Variants in ABHD6 observed in about 807,000 individuals in gnomAD.
ABHD6 encodes abhydrolase domain containing 6, acylglycerol lipase, also known as monoacylglycerol lipase ABHD6.
A neutral mutation model predicts 38.8 loss-of-function variants in ABHD6; 33 were observed. The ratio of observed to expected loss-of-function variants is 0.85; its 90% CI spans 0.64 to 1.14. The LOEUF is 1.14. ABHD6 is among the 50% of genes most tolerant of loss of function. The probability of loss-of-function intolerance (pLI) is 0.00; values close to 1 mark genes in which losing one functional copy is unlikely to be tolerated. For synonymous variants in ABHD6, 147 were observed against 161.6 expected (o/e 0.91, Z 0.69); for missense variants, 380 against 422.6 (o/e 0.90, Z 0.88).
At chr3:58,252,649 C>T (rs914403877) in intron 2 of ABHD6, among the ~76,000 whole-genome samples, 7 of 152,210 alleles carry the variant, frequency 4.6e-5, no homozygotes, top group African/African-American at 1.7e-4. Context: ...TAGTACTCTC[C>T]TGCTCACTAA....
chr3:58,267,391 G>T lies in ABHD6; in HGVS notation c.276+46G>T. ...CTCTTATAAGAAAAGGGAGTTGGGT[G>T]CTGTGGCTCATGCCTATAATCCCAG... On this transcript the variant is annotated intron_variant, in intron 4 of 9. Transcript: ENST00000478253. This position sits in a 1 kb window ranked among gnomAD's most constrained non-coding sequence, Gnocchi z 4.3. The T allele has an allele frequency of 6.2e-7, 1 of 1,607,870 alleles. No homozygotes were observed. The highest frequency in any genetic ancestry group is 1.1e-5 in the South Asian group (1 of 90,534).
In ABHD6 at chr3:58,256,897, G is replaced by C. The variant is rs1248525530; in HGVS notation, c.119+192G>C. On this transcript the variant is annotated intron_variant, in intron 3 of 9. Transcript: ENST00000478253. This position sits in a 1 kb window ranked among gnomAD's most constrained non-coding sequence, Gnocchi z 4.3. ...GAATATTACCAGATCAGTTCTTTCA[G>C]GTTTGTTTGTTTGTTTGTTTTTTGG... Among the ~76,000 whole-genome samples, 2 of 151,914 alleles carry C rather than the reference G, an allele frequency of 1.3e-5. No individual in the cohort carries two copies. The highest frequency in any genetic ancestry group is 4.2e-4 in the South Asian group (2 of 4,816).
intron 1 of ABHD6, among the ~76,000 whole-genome samples, chr3:58,244,530 C>A (rs1322822948): frequency 1.3e-5 from 2 of 152,058 alleles, no homozygotes; most frequent in Non-Finnish European, 2.9e-5. Context: ...TTTGGGAGGG[C>A]AAAGCAGGAG....
intron 2 of ABHD6, among the ~76,000 whole-genome samples, chr3:58,252,936 A>G (rs1308666396): frequency 1.3e-5 from 2 of 152,216 alleles, no homozygotes; most frequent in African/African-American, 4.8e-5. Flanking sequence ...CTTTATCTGT[A>G]CAGAAAACTC....
At chr3:58,252,027 A>G (rs2097430224) in intron 2 of ABHD6, among the ~76,000 whole-genome samples, 1 of 152,126 alleles carries the variant, frequency 6.6e-6, no homozygotes, top group South Asian at 2.1e-4. Flanking sequence ...TTCTCATTAA[A>G]TAGATGAAGA....
chr3:58,263,028 T>G lies in ABHD6; in HGVS notation c.120-4161T>G, dbSNP rs1575521017. On this transcript the variant is annotated intron_variant, in intron 3 of 9. Coordinates refer to ENST00000478253, the MANE Select transcript of ABHD6 (RefSeq NM_001320126.2). This position sits in a 1 kb window ranked among gnomAD's most constrained non-coding sequence, Gnocchi z 4.9. ...TTTGAGACCAGCCTGGCCAACATGG[T>G]GAAACCCCATCTCTACTACAAATAC... Among the ~76,000 whole-genome samples the G allele has an allele frequency of 3.9e-5, 6 of 152,144 alleles. No individual in the cohort carries two copies. In the South Asian group the frequency reaches 1.2e-3, roughly 31 times the overall value.
intron 3 of ABHD6, among the ~76,000 whole-genome samples, chr3:58,260,929 G>A (rs1341315448): frequency 6.6e-6 from 1 of 152,186 alleles, no homozygotes; most frequent in Non-Finnish European, 1.5e-5. Context: ...CTGGGTCTAA[G>A]TGTCCCTGGA....
At chr3:58,286,844 G>GCATATATATATA (rs1424175632) in intron 9 of ABHD6, among the ~76,000 whole-genome samples, 7 of 50,064 alleles carry the variant, frequency 1.4e-4, no homozygotes, top group Admixed American at 1.9e-4. Flanking sequence ...GTGTGTGTGT[G>GCATATATATATA]TGTGTGTGTA....
chr3:58,279,212 C>G (rs1181201024), intron 7 of ABHD6, among the ~76,000 whole-genome samples: 1 of 152,102 alleles, frequency 6.6e-6, no homozygotes, highest in Admixed American at 6.6e-5. Flanking sequence ...GTTAAAGTCT[C>G]CCATTATTAT....
In ABHD6 at chr3:58,269,487, A is replaced by C. The variant is rs2097443288; in HGVS notation, c.390+53A>C. Reference sequence around the variant, plus strand: ...CCCAGACTGTCTCAGCCACCATTACATGTCTGAGTCTGGAGAGCAGGGAAG... The same window carrying C: ...CCCAGACTGTCTCAGCCACCATTACCTGTCTGAGTCTGGAGAGCAGGGAAG... On this transcript the variant is annotated intron_variant, in intron 5 of 9. Coordinates refer to ENST00000478253, the MANE Select transcript of ABHD6 (RefSeq NM_001320126.2). The surrounding 1 kb of genome is among the most constrained non-coding windows in gnomAD (Gnocchi z 4.4). 7.2e-7 allele frequency: 1 copy of C among 1,382,296 alleles called. No homozygotes were observed. The highest frequency in any genetic ancestry group is 2.3e-5 in the East Asian group (1 of 43,110). 85.6% of individuals were successfully genotyped at this position (1,382,296 alleles called of 1,614,324 possible). A position where few individuals can be genotyped will look rare whatever the true frequency, so the allele number is the denominator to read the frequency against.
intron 2 of ABHD6, among the ~76,000 whole-genome samples, chr3:58,254,530 A>C (rs2097431957): frequency 6.6e-6 from 1 of 152,194 alleles, no homozygotes; most frequent in South Asian, 2.1e-4. Context: ...TGCTGCATTG[A>C]ACTTATTATC....
chr3:58,290,778 A>G (rs1393798766), intron 9 of ABHD6, among the ~76,000 whole-genome samples: 1 of 146,560 alleles, frequency 6.8e-6, no homozygotes, highest in African/African-American at 2.5e-5. Context: ...ATCTCAGACA[A>G]TGGGCGGCCG....
At position 58,263,623 on chromosome 3, in the gene ABHD6, T is replaced by A. The variant is rs1488967197; in HGVS notation, c.120-3566T>A. 6.6e-6 allele frequency among the ~76,000 whole-genome samples: 1 copy of A among 152,226 alleles called. No individual in the cohort carries two copies. The highest frequency in any genetic ancestry group is 1.5e-5 in the Non-Finnish European group (1 of 68,042). ...CTTGGCTCTCCCCGAGGCCCTTGCC[T>A]CTGCTGTCTCTACCTCCTGGCACAC... On this transcript the variant is annotated intron_variant, in intron 3 of 9. Transcript: ENST00000478253. The surrounding 1 kb of genome is among the most constrained non-coding windows in gnomAD (Gnocchi z 4.9).
Position 58,238,331 on chromosome 3 carries a change from C to G in ABHD6, c.-91+415C>G, listed in dbSNP as rs1338169133. The G allele has an allele frequency of 1.3e-5, 2 of 152,512 alleles. No homozygotes were observed. The highest frequency in any genetic ancestry group is 4.8e-5 in the African/African-American group (2 of 41,472). 9.4% of individuals were successfully genotyped at this position (152,512 alleles called of 1,614,324 possible). On this transcript the variant is annotated intron_variant, in intron 1 of 9. Coordinates refer to ENST00000478253, the MANE Select transcript of ABHD6 (RefSeq NM_001320126.2). This position sits in a 1 kb window ranked among gnomAD's most constrained non-coding sequence, Gnocchi z 6.9. The stretch of plus-strand genomic sequence containing the variant: ...TGGAGAAGGACTGCAGCTCGCCCAC[C>G]CAGATAGCATCTTGCTCCGTGTCAC...
chr3:58,258,409 C>T (rs768190897), intron 3 of ABHD6: 261 of 432,164 alleles, frequency 6.0e-4, no homozygotes, highest in Middle Eastern at 2.4e-3. Flanking sequence ...AAAGCATGAG[C>T]AGCGTGAAAG....
At chr3:58,286,893 T>A (rs2097457865) in intron 9 of ABHD6, among the ~76,000 whole-genome samples, 1 of 142,268 alleles carries the variant, frequency 7.0e-6, no homozygotes. Flanking sequence ...TAAGTAGGTA[T>A]CTTGGAAATC....
In ABHD6 at chr3:58,265,287, C is replaced by G. The variant is rs1372561756; in HGVS notation, c.120-1902C>G. Among the ~76,000 whole-genome samples the G allele has an allele frequency of 2.0e-5, 3 of 152,114 alleles. No homozygotes were observed. The highest frequency in any genetic ancestry group is 7.2e-5 in the African/African-American group (3 of 41,420). ...TGTTTGTTAGTCATTAATATCTTTTCTACTCTAAGGTACCTTTTCATTTAT... is the reference window on the plus strand; with the variant it reads ...TGTTTGTTAGTCATTAATATCTTTTGTACTCTAAGGTACCTTTTCATTTAT... On this transcript the variant is annotated intron_variant, in intron 3 of 9. Transcript: ENST00000478253. This position sits in a 1 kb window ranked among gnomAD's most constrained non-coding sequence, Gnocchi z 4.2.
At chr3:58,274,537 C>A in intron 6 of ABHD6, 121 bp from the exon 7 acceptor site, 3 of 1,041,768 alleles carry the variant, frequency 2.9e-6, no homozygotes, top group Non-Finnish European at 4.1e-6. Context: ...AAAAAGAAAT[C>A]TACTCATGAA....
intron 3 of ABHD6, among the ~76,000 whole-genome samples, chr3:58,261,308 A>G (rs1559775269): frequency 6.6e-6 from 1 of 152,182 alleles, no homozygotes; most frequent in African/African-American, 2.4e-5. Context: ...AGTCCAAAAA[A>G]AATCTATAAA....
Sources: allele counts gnomAD v4.1 joint callset (sites outside exome capture counted in the v4.1 genomes callset), GRCh38; gene constraint gnomAD v4.1.1; non-coding constraint Gnocchi (gnomAD v3.1); transcripts MANE v1.5; gene names NCBI Gene and HGNC (gene_info 2026-07-23, HGNC 2026-07-21).